The following DLGAP1 variants were observed in gnomAD, a reference collection of about 807,000 sequenced individuals.
The protein encoded by DLGAP1 is DLG associated protein 1.
A neutral mutation model predicts 90.8 loss-of-function variants in DLGAP1; 11 were observed. That is an observed-to-expected ratio of 0.12 (90% confidence interval 0.08 to 0.20). The LOEUF is 0.20. DLGAP1 is among the 10% of genes least tolerant of loss of function. The pLI, the probability that DLGAP1 is intolerant of heterozygous loss-of-function variation, is 1.00. For synonymous variants in DLGAP1, 558 were observed against 540.7 expected (o/e 1.03, Z -0.44); for missense variants, 1,050 against 1,333.8 (o/e 0.79, Z 3.31).
intron 2 of DLGAP1, among the ~76,000 whole-genome samples, chr18:4,023,341 A>G (rs980843431): frequency 6.6e-5 from 10 of 152,118 alleles, no homozygotes; most frequent in African/African-American, 2.2e-4. Flanking sequence ...TAACACTAGG[A>G]AAACTTTGGG....
At chr18:4,077,404 TG>T (rs1598357805) in intron 2 of DLGAP1, among the ~76,000 whole-genome samples, 1 of 152,138 alleles carries the variant, frequency 6.6e-6, no homozygotes, top group African/African-American at 2.4e-5. Context: ...TACTGAAATT[TG>T]GTCCCCAGTG....
chr18:4,287,950 T>A (rs1292820769), intron 1 of DLGAP1, among the ~76,000 whole-genome samples: 2 of 152,058 alleles, frequency 1.3e-5, no homozygotes, highest in Non-Finnish European at 2.9e-5. Flanking sequence ...TGCCTCAGTA[T>A]ACATGTCACC....
At chr18:4,256,313 T>C (rs1051343720) in intron 1 of DLGAP1, among the ~76,000 whole-genome samples, 6 of 152,210 alleles carry the variant, frequency 3.9e-5, no homozygotes, top group Admixed American at 2.6e-4. Flanking sequence ...GGTGGAAGTA[T>C]TGCTTGAGCC....
At chr18:4,089,167 CAGAG>C (rs1235895957) in intron 2 of DLGAP1, among the ~76,000 whole-genome samples, 1 of 149,284 alleles carries the variant, frequency 6.7e-6, no homozygotes, top group African/African-American at 2.5e-5. Context: ...AATAGACAAA[CAGAG>C]AGCCAAATCA....
intron 7 of DLGAP1, among the ~76,000 whole-genome samples, chr18:3,635,322 G>A (rs1567872619): frequency 6.7e-6 from 1 of 149,470 alleles, no homozygotes; most frequent in Non-Finnish European, 1.5e-5. Context: ...ATTTTTAGTA[G>A]AGACGGGGTT....
chr18:4,349,807 G>A (rs192552787), intron 1 of DLGAP1, among the ~76,000 whole-genome samples: 247 of 152,158 alleles, frequency 1.6e-3, no homozygotes, highest in Middle Eastern at 3.4e-3. Flanking sequence ...AAGGCCTTTG[G>A]GTGGATGATA....
chr18:4,370,970 CAACAT>C (rs1374930352), intron 1 of DLGAP1, among the ~76,000 whole-genome samples: 1 of 85,020 alleles, frequency 1.2e-5, no homozygotes, highest in Non-Finnish European at 2.4e-5. Context: ...TCAAAATTAA[CAACAT>C]AACAAGAAGA....
At chr18:4,283,781 T>C (rs2079611939) in intron 1 of DLGAP1, among the ~76,000 whole-genome samples, 1 of 151,318 alleles carries the variant, frequency 6.6e-6, no homozygotes, top group Middle Eastern at 3.4e-3. Flanking sequence ...TTATTCAATA[T>C]AGTTAACAAG....
chr18:3,934,161 C>T (rs555036661), intron 3 of DLGAP1, among the ~76,000 whole-genome samples: 1 of 152,278 alleles, frequency 6.6e-6, no homozygotes, highest in Admixed American at 6.5e-5. Context: ...AAAGTACAGC[C>T]TTTTCCCTTA....
intron 1 of DLGAP1, among the ~76,000 whole-genome samples, chr18:4,263,619 G>A (rs1422198763): frequency 6.6e-6 from 1 of 152,152 alleles, no homozygotes; most frequent in East Asian, 1.9e-4. Context: ...CAAGGCCTAT[G>A]TCCTCCTCCT....
intron 7 of DLGAP1, among the ~76,000 whole-genome samples, chr18:3,665,287 TA>T (rs1034986730): frequency 6.6e-6 from 1 of 150,766 alleles, no homozygotes; most frequent in African/African-American, 2.4e-5. Flanking sequence ...CCCCTTCCTC[TA>T]AAAATGGAAG....
At chr18:4,243,817 ATCTT>A (rs2078595555) in intron 1 of DLGAP1, among the ~76,000 whole-genome samples, 1 of 152,176 alleles carries the variant, frequency 6.6e-6, no homozygotes, top group African/African-American at 2.4e-5. Context: ...AAACCCGCTT[ATCTT>A]TTTTTTACCC....
At chr18:3,840,485 T>G (rs1262803027) in intron 4 of DLGAP1, among the ~76,000 whole-genome samples, 2 of 152,216 alleles carry the variant, frequency 1.3e-5, no homozygotes, top group Admixed American at 6.5e-5. Flanking sequence ...AGTCTCCCTC[T>G]GCTTCCTTCT....
At chr18:4,315,755 T>C (rs1319437119) in intron 1 of DLGAP1, among the ~76,000 whole-genome samples, 2 of 152,206 alleles carry the variant, frequency 1.3e-5, no homozygotes, top group African/African-American at 4.8e-5. Context: ...ATATACTTCC[T>C]AAATATTCAG....
chr18:4,396,367 C>T (rs1316768490), intron 1 of DLGAP1, among the ~76,000 whole-genome samples: 2 of 152,144 alleles, frequency 1.3e-5, no homozygotes, highest in East Asian at 3.8e-4. Context: ...CGGACAGAAG[C>T]AACTCTGCAG....
intron 1 of DLGAP1, among the ~76,000 whole-genome samples, chr18:4,256,480 T>C (rs970013955): frequency 7.2e-5 from 11 of 152,214 alleles, no homozygotes; most frequent in Admixed American, 6.5e-4. Context: ...GAATTTCTTT[T>C]ACTCCACTGT....
rs74497477 is a variant in DLGAP1 at position 3,921,059 on chromosome 18, G to T, written c.-72-40919C>A. Reference sequence around the variant, plus strand: ...AGGGATTATTTATTTTTCCAACATAGTAATGTAACTTGGAATGATTCTATA... The same window carrying T: ...AGGGATTATTTATTTTTCCAACATATTAATGTAACTTGGAATGATTCTATA... On this transcript the variant is annotated intron_variant, in intron 3 of 12. Coordinates refer to ENST00000315677, the MANE Select transcript of DLGAP1 (RefSeq NM_004746.4). Among the ~76,000 whole-genome samples the T allele has an allele frequency of 5.3e-5, 8 of 152,248 alleles. No homozygotes were observed. In the East Asian group the frequency reaches 1.5e-3, roughly 29 times the overall value.
intron 5 of DLGAP1, 87 bp from the exon 6 acceptor site, chr18:3,742,599 C>T (rs1167844663): frequency 1.4e-6 from 2 of 1,461,380 alleles, no homozygotes; most frequent in African/African-American, 1.4e-5. Flanking sequence ...ATTTATGTAG[C>T]ACCCTAAATA....
At chr18:4,065,791 T>C (rs939091623) in intron 2 of DLGAP1, among the ~76,000 whole-genome samples, 16 of 151,894 alleles carry the variant, frequency 1.1e-4, no homozygotes, top group African/African-American at 3.9e-4. Flanking sequence ...AAACTACCAC[T>C]GACATTCTTT....
Sources: allele counts gnomAD v4.1 joint callset (sites outside exome capture counted in the v4.1 genomes callset), GRCh38; gene constraint gnomAD v4.1.1; transcripts MANE v1.5; gene names NCBI Gene and HGNC (gene_info 2026-07-23, HGNC 2026-07-21).